Variants in HNF4G observed in about 807,000 individuals in gnomAD.
HNF4G encodes hepatocyte nuclear factor 4-gamma.
HNF4G carries 21 observed loss-of-function variants against 50.9 expected under a neutral mutation model. The observed-to-expected ratio is 0.41, with a 90% CI of 0.29 to 0.59. The LOEUF is 0.59. Ranked by LOEUF, HNF4G falls within the 20% of genes least tolerant of loss-of-function variation. The pLI, the probability that HNF4G is intolerant of heterozygous loss-of-function variation, is 0.26. For synonymous variants in HNF4G, 198 were observed against 185.6 expected, an observed-to-expected ratio of 1.07 and a Z score of -0.54; for missense variants, 527 against 559.4, an observed-to-expected ratio of 0.94 and a Z score of 0.58.
chr8:75,475,476 A>G (rs964557437), intron 1 of HNF4G, among the ~76,000 whole-genome samples: 1 of 152,174 alleles, frequency 6.6e-6, no homozygotes, highest in Non-Finnish European at 1.5e-5. Flanking sequence ...ACATGAGCCT[A>G]TGCATGTTTA....
At chr8:75,480,721 C>CTTTTTTTTTTTTTTTTT in intron 1 of HNF4G, among the ~76,000 whole-genome samples, 1 of 122,436 alleles carries the variant, frequency 8.2e-6, no homozygotes, top group Non-Finnish European at 1.7e-5. Flanking sequence ...CTTTTTCTTT[C>CTTTTTTTTTTTTTTTTT]TTTTTTTTTT....
intron 5 of HNF4G, 22 bp from the exon 6 acceptor site, chr8:75,555,960 A>T (rs762921612): frequency 5.9e-6 from 8 of 1,351,420 alleles, no homozygotes; most frequent in African/African-American, 1.5e-5. Flanking sequence ...ATTAATTGTT[A>T]AACTGAGAAT....
Position 75,486,673 on chromosome 8 carries a change from T to C in HNF4G, c.-143-3416T>C, listed in dbSNP as rs192036779. ...AAAAATTTTCTATGCTGAAAGTTTA[T>C]AGTTGATTTTGGAATTTCACTTTCT... On this transcript the variant is annotated intron_variant, in intron 1 of 10. Coordinates refer to the HNF4G transcript ENST00000354370. Among the ~76,000 whole-genome samples the C allele has an allele frequency of 6.5e-3, 984 of 152,304 alleles. 6 individuals carry two copies. Among genetic ancestry groups the C allele is most frequent in the Non-Finnish European group, 0.011 (774 of 68,030 alleles).
intron 1 of HNF4G, among the ~76,000 whole-genome samples, chr8:75,542,988 C>T (rs1371436599): frequency 1.3e-5 from 2 of 152,146 alleles, no homozygotes; most frequent in African/African-American, 2.4e-5. Flanking sequence ...GGGCAGACCG[C>T]CTGAGGTCAG....
chr8:75,453,196 AG>A (rs1811628511), intron 1 of HNF4G, among the ~76,000 whole-genome samples: 1 of 152,174 alleles, frequency 6.6e-6, no homozygotes, highest in African/African-American at 2.4e-5. Flanking sequence ...CACTTATTTG[AG>A]CCTCCTGGTG....
chr8:75,546,628 G>C (rs1806788528), intron 2 of HNF4G, among the ~76,000 whole-genome samples: 1 of 151,958 alleles, frequency 6.6e-6, no homozygotes. Flanking sequence ...ATGATCTCTT[G>C]TGACTTACTT....
At position 75,434,675 on chromosome 8, in the gene HNF4G, A is replaced by AACACACACAC. The variant is rs36098920; in HGVS notation, c.-144+26535_-144+26544dup. Among the ~76,000 whole-genome samples the AACACACACAC allele has an allele frequency of 5.9e-3, 857 of 145,772 alleles. 14 individuals carry two copies. Among genetic ancestry groups the AACACACACAC allele is most frequent in the African/African-American group, 0.021 (827 of 39,752 alleles). On this transcript the variant is annotated intron_variant, in intron 1 of 10. Transcript: ENST00000354370. ...ATTCCAGAACACAAACAACAAGGCCAACACACACACACACACACACACACA... is the reference window on the plus strand; with the variant it reads ...ATTCCAGAACACAAACAACAAGGCCAACACACACACACACACACACACACACACACACACA...
chr8:75,511,775 A>G (rs943814763), intron 2 of HNF4G, among the ~76,000 whole-genome samples: 1 of 152,088 alleles, frequency 6.6e-6, no homozygotes, highest in Non-Finnish European at 1.5e-5. Context: ...TGTTTTTAGT[A>G]GAGACGGGGT....
At position 75,463,058 on chromosome 8, in the gene HNF4G, G is replaced by GTT. The variant is rs1219575361; in HGVS notation, c.-143-27025_-143-27024dup. ...CTCCTCTGATATTCAATGTCTGCTT[G>GTT]TTTTTTTGTTTTTTTTTTTTCTGTA... On this transcript the variant is annotated intron_variant, in intron 1 of 10. Coordinates refer to the HNF4G transcript ENST00000354370. Among the ~76,000 whole-genome samples, 326 of 131,012 alleles carry GTT rather than the reference G, an allele frequency of 2.5e-3. 6 individuals are homozygous for GTT. The highest frequency in any genetic ancestry group is 8.9e-3 in the African/African-American group (294 of 32,874). 85.9% of individuals were successfully genotyped at this position (131,012 alleles called of 152,430 possible). A position where few individuals can be genotyped will look rare whatever the true frequency, so the allele number is the denominator to read the frequency against.
chr8:75,429,711 C>T lies in HNF4G; in HGVS notation c.-144+21549C>T, dbSNP rs561772628. On this transcript the variant is annotated intron_variant, in intron 1 of 10. Coordinates refer to the HNF4G transcript ENST00000354370. ...TTTTGTTCCTTTTAAAGCAGAAAGG[C>T]CGATCAGGTCCAAAAGTCTGAGTTG... Among the ~76,000 whole-genome samples, 3 of 152,184 alleles carry T rather than the reference C, an allele frequency of 2.0e-5. No individual in the cohort carries two copies. In the South Asian group the frequency reaches 6.2e-4, roughly 32 times the overall value.
At chr8:75,436,293 G>C (rs1245492935) in intron 1 of HNF4G, among the ~76,000 whole-genome samples, 1 of 152,192 alleles carries the variant, frequency 6.6e-6, no homozygotes, top group Non-Finnish European at 1.5e-5. Context: ...TAGCTCATCT[G>C]AACATTTATG....
intron 3 of HNF4G, among the ~76,000 whole-genome samples, chr8:75,550,533 G>A (rs980919105): frequency 1.3e-5 from 2 of 151,924 alleles, no homozygotes; most frequent in Admixed American, 6.6e-5. Flanking sequence ...GGTTGGTCTC[G>A]TACTTTTGAC....
At chr8:75,473,168 G>A (rs530156523) in intron 1 of HNF4G, among the ~76,000 whole-genome samples, 363 of 152,172 alleles carry the variant, frequency 2.4e-3, no homozygotes, top group African/African-American at 8.1e-3. Context: ...AATTAGCCAG[G>A]CGTGGTTGTG....
chr8:75,480,003 A>G (rs1812337610), intron 1 of HNF4G, among the ~76,000 whole-genome samples: 1 of 152,056 alleles, frequency 6.6e-6, no homozygotes, highest in Admixed American at 6.6e-5. Context: ...TTGATGTTAT[A>G]GAAAAAAGTG....
chr8:75,537,304 C>T (rs905485448), upstream of HNF4G, among the ~76,000 whole-genome samples: 3 of 152,104 alleles, frequency 2.0e-5, no homozygotes, highest in Non-Finnish European at 4.4e-5. Flanking sequence ...ACTGCAGTGG[C>T]ATGATCTTGG....
intron 6 of HNF4G, among the ~76,000 whole-genome samples, chr8:75,556,949 C>T (rs1225051612): frequency 6.6e-6 from 1 of 152,080 alleles, no homozygotes; most frequent in Admixed American, 6.6e-5. Flanking sequence ...ATTTTCAGCC[C>T]ATTTTGCAGG....
In HNF4G at chr8:75,499,503, C is replaced by CT. The variant is rs550310395; in HGVS notation, c.-24+9303dup. 1.8e-3 allele frequency among the ~76,000 whole-genome samples: 275 copies of CT among 151,560 alleles called. 1 individual carries two copies. The highest frequency in any genetic ancestry group is 6.3e-3 in the African/African-American group (260 of 41,446). ...ATAGTCCTAACAAAATTCCAGTTGT[C>CT]TTTTTTTTGCAGACCTTGACAAGCT... is the stretch of plus-strand genomic sequence containing the variant. On this transcript the variant is annotated intron_variant, in intron 2 of 10. Coordinates refer to the HNF4G transcript ENST00000354370.
chr8:75,553,226 TA>T (rs1196090087), intron 5 of HNF4G, 29 bp downstream of exon 5: 5 of 1,570,574 alleles, frequency 3.2e-6, no homozygotes, highest in Non-Finnish European at 4.4e-6. Context: ...ATAAATGCTT[TA>T]AAAATGCTTC....
At chr8:75,504,212 C>A (rs1255050467) in intron 2 of HNF4G, among the ~76,000 whole-genome samples, 1 of 146,614 alleles carries the variant, frequency 6.8e-6, no homozygotes, top group Non-Finnish European at 1.5e-5. Context: ...CAGAGTAAGA[C>A]TTTGTCCAAA....
Sources: allele counts gnomAD v4.1 joint callset (sites outside exome capture counted in the v4.1 genomes callset), GRCh38; gene constraint gnomAD v4.1.1; transcripts MANE v1.5; gene names NCBI Gene and HGNC (gene_info 2026-07-23, HGNC 2026-07-21).